LRRC4C: variants seen among roughly 807,000 people sequenced by gnomAD.
LRRC4C encodes the protein leucine-rich repeat-containing protein 4C.
A neutral mutation model predicts 33.6 loss-of-function variants in LRRC4C; 5 were observed. That is an observed-to-expected ratio of 0.15 (90% CI 0.08 to 0.31). LRRC4C has a LOEUF of 0.31. LRRC4C is among the 10% of genes least tolerant of loss of function. The probability of loss-of-function intolerance (pLI) is 1.00; values close to 1 mark genes in which losing one functional copy is unlikely to be tolerated. For missense variants in LRRC4C, 560 were observed against 796.7 expected, an observed-to-expected ratio of 0.70 and a Z score of 3.58; for synonymous variants, 329 against 302.0, an observed-to-expected ratio of 1.09 and a Z score of -0.93.
chr11:41,184,375 T>C (rs574987385), intron 1 of LRRC4C, among the ~76,000 whole-genome samples: 1 of 152,260 alleles, frequency 6.6e-6, no homozygotes, highest in African/African-American at 2.4e-5. Flanking sequence ...CTTGAATGCT[T>C]TGCTGCTTAG....
At chr11:41,157,126 C>A (rs573328400) in intron 1 of LRRC4C, among the ~76,000 whole-genome samples, 1 of 152,196 alleles carries the variant, frequency 6.6e-6, no homozygotes, top group African/African-American at 2.4e-5. Flanking sequence ...TTCCCAGCTT[C>A]CAGAACTGAC....
chr11:40,984,727 T>C (rs1565271588), intron 1 of LRRC4C, among the ~76,000 whole-genome samples: 1 of 151,982 alleles, frequency 6.6e-6, no homozygotes, highest in Non-Finnish European at 1.5e-5. Context: ...TGGAGTATGA[T>C]AAAAATTTGT....
intron 3 of LRRC4C, among the ~76,000 whole-genome samples, chr11:40,503,490 C>T (rs1399182232): frequency 1.3e-5 from 2 of 152,154 alleles, no homozygotes; most frequent in Admixed American, 1.3e-4. Context: ...TACTGTGAAA[C>T]CCTGAAGTAA....
At chr11:40,431,960 A>G (rs1039750552) in intron 3 of LRRC4C, among the ~76,000 whole-genome samples, 5 of 152,194 alleles carry the variant, frequency 3.3e-5, no homozygotes, top group Non-Finnish European at 7.3e-5. Flanking sequence ...TCAGGACCCA[A>G]GGAAAAGTCA....
At chr11:41,411,770 T>G (rs1267741852) in intron 1 of LRRC4C, among the ~76,000 whole-genome samples, 1 of 152,140 alleles carries the variant, frequency 6.6e-6, no homozygotes, top group African/African-American at 2.4e-5. Context: ...CCAGAACTTC[T>G]GTTTCCTCCC....
chr11:41,058,505 G>A (rs550239630), intron 1 of LRRC4C, among the ~76,000 whole-genome samples: 55 of 152,372 alleles, frequency 3.6e-4, no homozygotes, highest in Non-Finnish European at 2.4e-4. Context: ...CCAAGTGGGC[G>A]AAAGGAGCCC....
intron 1 of LRRC4C, among the ~76,000 whole-genome samples, chr11:41,321,771 C>G (rs1950965260): frequency 6.6e-6 from 1 of 152,004 alleles, no homozygotes; most frequent in Non-Finnish European, 1.5e-5. Flanking sequence ...CCAGCTATTC[C>G]CAGTTACGAG....
At chr11:40,748,968 C>A (rs186984202) in intron 2 of LRRC4C, among the ~76,000 whole-genome samples, 2 of 152,130 alleles carry the variant, frequency 1.3e-5, no homozygotes, top group Non-Finnish European at 1.5e-5. Context: ...AAAACCAGAG[C>A]ACCCAGATGT....
intron 3 of LRRC4C, among the ~76,000 whole-genome samples, chr11:40,466,127 T>C (rs562534783): frequency 1.3e-5 from 2 of 152,116 alleles, no homozygotes; most frequent in South Asian, 2.1e-4. Flanking sequence ...GTGGATGGAA[T>C]TGGAGGCTAT....
intron 3 of LRRC4C, among the ~76,000 whole-genome samples, chr11:40,452,440 T>C (rs1951932613): frequency 6.6e-6 from 1 of 152,200 alleles, no homozygotes; most frequent in Non-Finnish European, 1.5e-5. Flanking sequence ...ATGCTCATCA[T>C]CACTGGCCAT....
At position 40,700,201 on chromosome 11, in the gene LRRC4C, G is replaced by A. The variant is rs1945799824; in HGVS notation, c.-406-51923C>T. Among the ~76,000 whole-genome samples the A allele has an allele frequency of 2.0e-5, 3 of 152,214 alleles. No homozygotes were observed. The East Asian group carries it at 5.8e-4, about 29-fold the overall frequency. On this transcript the variant is annotated intron_variant, in intron 2 of 6. Transcript: ENST00000528697. ...GATTAATCCTCAAGGAATCCCTCGA[G>A]CCATCTACTTTCCTGTCATGTTATT... is the stretch of plus-strand genomic sequence containing the variant.
At chr11:40,339,906 T>C (rs1946792790) in intron 3 of LRRC4C, among the ~76,000 whole-genome samples, 1 of 152,172 alleles carries the variant, frequency 6.6e-6, no homozygotes, top group Non-Finnish European at 1.5e-5. Flanking sequence ...TTTAATATGT[T>C]GAGTAAAAAG....
At chr11:40,984,395 GAAAGAA>G (rs1852818363) in intron 1 of LRRC4C, among the ~76,000 whole-genome samples, 1 of 85,370 alleles carries the variant, frequency 1.2e-5, no homozygotes, top group South Asian at 3.1e-4. Flanking sequence ...AAGAAAGAAA[GAAAGAA>G]AGAAAGAAAG....
intron 2 of LRRC4C, among the ~76,000 whole-genome samples, chr11:40,910,733 C>T (rs116991723): frequency 2.0e-3 from 296 of 151,794 alleles, no homozygotes; most frequent in Non-Finnish European, 3.1e-3. Context: ...GAGCTTGAGC[C>T]GGAGCAAGGC....
intron 2 of LRRC4C, among the ~76,000 whole-genome samples, chr11:40,841,854 G>C (rs1952930946): frequency 6.6e-6 from 1 of 152,324 alleles, no homozygotes; most frequent in Non-Finnish European, 1.5e-5. Context: ...GGCCATGTTA[G>C]TGGCTAGCTG....
At chr11:40,221,380 T>C (rs771280894) in intron 5 of LRRC4C, among the ~76,000 whole-genome samples, 1 of 152,190 alleles carries the variant, frequency 6.6e-6, no homozygotes, top group Non-Finnish European at 1.5e-5. Flanking sequence ...GCCCAAAATT[T>C]GGAACTCAAT....
intron 1 of LRRC4C, among the ~76,000 whole-genome samples, chr11:41,401,402 T>C (rs1232219127): frequency 6.6e-6 from 1 of 151,948 alleles, no homozygotes; most frequent in Non-Finnish European, 1.5e-5. Context: ...AATTTTCTTC[T>C]TGTTTTCCAT....
chr11:41,420,447 A>G (rs1954836114), intron 1 of LRRC4C, among the ~76,000 whole-genome samples: 1 of 152,070 alleles, frequency 6.6e-6, no homozygotes, highest in Admixed American at 6.6e-5. Flanking sequence ...AGTGCCCCAT[A>G]AAAGGCTGCA....
chr11:40,845,014 A>G (rs1953091112), intron 2 of LRRC4C, among the ~76,000 whole-genome samples: 1 of 152,008 alleles, frequency 6.6e-6, no homozygotes, highest in South Asian at 2.1e-4. Context: ...ATGTATACAT[A>G]TTTTAAAACA....
Sources: gnomAD v4.1 joint callset for allele counts (sites outside exome capture counted in the v4.1 genomes callset) on GRCh38, gnomAD v4.1.1 for gene constraint, MANE v1.5 for transcripts, NCBI Gene and HGNC (gene_info 2026-07-23, HGNC 2026-07-21) for gene names.